The following PLG variants were observed in gnomAD, a reference collection of about 807,000 sequenced individuals.
PLG encodes the protein plasminogen.
PLG carries 41 observed loss-of-function variants against 104.4 expected under a neutral mutation model. The observed-to-expected ratio is 0.39, with a 90% CI of 0.31 to 0.51. The LOEUF (loss-of-function observed/expected upper bound fraction) is 0.51, where lower values mean the gene tolerates loss of function less well. Ranked by LOEUF, PLG falls within the 20% of genes least tolerant of loss-of-function variation. The probability of loss-of-function intolerance (pLI) is 0.76; values close to 1 mark genes in which losing one functional copy is unlikely to be tolerated. For missense variants in PLG, 891 were observed against 1,003.6 expected (o/e 0.89, Z 1.52); for synonymous variants, 337 against 357.1 (o/e 0.94, Z 0.63).
At chr6:160,730,907 T>C in intron 10 of PLG, 144 bp from the exon 11 acceptor site, 1 of 760,574 alleles carries the variant, frequency 1.3e-6, no homozygotes, top group Non-Finnish European at 2.2e-6. Flanking sequence ...GGACCATTTT[T>C]GTTTGTTACA....
Position 160,737,969 on chromosome 6 carries a change from T to A in PLG, c.1803-569T>A, listed in dbSNP as rs114480402. On this transcript the variant is annotated intron_variant, in intron 14 of 18. Transcript: ENST00000308192. The surrounding 1 kb of genome is among the most constrained non-coding windows in gnomAD (Gnocchi z 4.7). Reference sequence around the variant, plus strand: ...ACTTCCTATCTCTATTCCTCTTCTTTAAATTTGGTTCCAAATGGCTCACAC... The same window carrying A: ...ACTTCCTATCTCTATTCCTCTTCTTAAAATTTGGTTCCAAATGGCTCACAC... Among the ~76,000 whole-genome samples the A allele has an allele frequency of 0.24, 35,081 of 144,262 alleles. 4,434 individuals are homozygous for A. The highest frequency in any genetic ancestry group is 0.29 in the Non-Finnish European group (19,682 of 67,826). The allele number at this position is 144,262 out of a possible 152,430, so 94.6% of individuals were successfully genotyped here. A position where few individuals can be genotyped will look rare whatever the true frequency, so the allele number is the denominator to read the frequency against.
chr6:160,709,170 C>CA (rs543535724), intron 3 of PLG, among the ~76,000 whole-genome samples: 29 of 146,242 alleles, frequency 2.0e-4, no homozygotes, highest in South Asian at 6.5e-4. Context: ...TGGGTACATA[C>CA]AAAAAAAAAA....
chr6:160,704,274 A>G (rs1353652324), intron 1 of PLG, among the ~76,000 whole-genome samples: 1 of 152,244 alleles, frequency 6.6e-6, no homozygotes, highest in East Asian at 1.9e-4. Context: ...GAAAAGTTTG[A>G]TTCTGTTTTG....
rs139171771 is a variant in PLG at position 160,742,924 on chromosome 6, T to C, written c.2125+1507T>C. 1.4e-3 allele frequency among the ~76,000 whole-genome samples: 207 copies of C among 152,250 alleles called. 1 individual carries two copies. The East Asian group carries it at 0.02, about 14-fold the overall frequency. On this transcript the variant is annotated intron_variant, in intron 17 of 18. Coordinates refer to ENST00000308192, the MANE Select transcript of PLG (RefSeq NM_000301.5). ...TAGGGAGTTATTTTCCCATTGCTTGTTTTTGTCAGCTTTGTTAAAAATCAG... is the reference window on the plus strand; with the variant it reads ...TAGGGAGTTATTTTCCCATTGCTTGCTTTTGTCAGCTTTGTTAAAAATCAG...
In PLG at chr6:160,753,685, A is replaced by G. The variant is rs866232248; in HGVS notation, c.*624A>G. Among the ~76,000 whole-genome samples the G allele has an allele frequency of 4.6e-5, 7 of 152,196 alleles. No individual in the cohort carries two copies. The highest frequency in any genetic ancestry group is 7.2e-5 in the African/African-American group (3 of 41,446). ...TCCATGGATGTGTAACACAAGACCAACTGAGAGTCTGAATGTTATTCTGGG... is the reference window on the plus strand; with the variant it reads ...TCCATGGATGTGTAACACAAGACCAGCTGAGAGTCTGAATGTTATTCTGGG... On this transcript the variant is annotated 3_prime_UTR_variant, in exon 19 of 19. Coordinates refer to ENST00000308192, the MANE Select transcript of PLG (RefSeq NM_000301.5). The surrounding 1 kb of genome is among the most constrained non-coding windows in gnomAD (Gnocchi z 5.4).
intron 10 of PLG, chr6:160,730,631 T>C: frequency 5.7e-6 from 1 of 174,066 alleles, no homozygotes; most frequent in Middle Eastern, 2.9e-3. Flanking sequence ...CATTTCACAA[T>C]ACAGTCCTAT....
Position 160,753,073 on chromosome 6 carries a change from A to C in PLG, c.*12A>C. 1 of 1,521,978 alleles carries C rather than the reference A, an allele frequency of 6.6e-7. No individual in the cohort carries two copies. The highest frequency in any genetic ancestry group is 9.1e-7 in the Non-Finnish European group (1 of 1,102,860). 94.3% of individuals were successfully genotyped at this position (1,521,978 alleles called of 1,614,324 possible). On this transcript the variant is annotated 3_prime_UTR_variant, in exon 19 of 19. Coordinates refer to ENST00000308192, the MANE Select transcript of PLG (RefSeq NM_000301.5). The surrounding 1 kb of genome is among the most constrained non-coding windows in gnomAD (Gnocchi z 5.4). ...TGAGAAATAATTAATTGGACGGGAG[A>C]CAGAGTGACGCACTGACTCACCTAG...
chr6:160,730,220 C>T (rs962057030), intron 10 of PLG, among the ~76,000 whole-genome samples: 2 of 152,216 alleles, frequency 1.3e-5, no homozygotes, highest in African/African-American at 4.8e-5. Context: ...TCCTCCGTAG[C>T]TGCCCGACCT....
At chr6:160,713,645 T>A (rs1286969459) in intron 5 of PLG, among the ~76,000 whole-genome samples, 1 of 152,196 alleles carries the variant, frequency 6.6e-6, no homozygotes, top group Non-Finnish European at 1.5e-5. Flanking sequence ...AAGTACAAAC[T>A]TCTTATGCTT....
Position 160,738,631 on chromosome 6 carries a change from T to C in PLG, c.1877+19T>C. 1 of 1,474,922 alleles carries C rather than the reference T, an allele frequency of 6.8e-7. No homozygotes were observed. Among genetic ancestry groups the C allele is most frequent in the Non-Finnish European group, 9.5e-7 (1 of 1,052,810 alleles). The allele number at this position is 1,474,922 out of a possible 1,614,324, so 91.4% of individuals were successfully genotyped here. A position where few individuals can be genotyped will look rare whatever the true frequency, so the allele number is the denominator to read the frequency against. ...TGGAGAAGTATGTTTAGGGGACAATTGACATGAAGTCTTGTCTTAAATACT... is the reference window on the plus strand; with the variant it reads ...TGGAGAAGTATGTTTAGGGGACAATCGACATGAAGTCTTGTCTTAAATACT... On this transcript the variant is annotated intron_variant, in intron 15 of 18. Transcript: ENST00000308192. This position sits in a 1 kb window ranked among gnomAD's most constrained non-coding sequence, Gnocchi z 6.8.
In PLG at chr6:160,731,101, G is replaced by C; in HGVS notation, c.1307G>C (p.Trp436Ser). 1 of 1,613,994 alleles carries C rather than the reference G, an allele frequency of 6.2e-7. No individual in the cohort carries two copies. Among genetic ancestry groups the C allele is most frequent in the Non-Finnish European group, 8.5e-7 (1 of 1,179,958 alleles). The change falls in exon 11 of 19, where the codon TGG becomes TCG. Residue 436 changes from tryptophan to serine, a missense_variant. Transcript: ENST00000308192. The surrounding 1 kb of genome is among the most constrained non-coding windows in gnomAD (Gnocchi z 5.1). ...AATCCAGATGCCGATAAAGGCCCCT[G>C]GTGTTTTACCACAGACCCCAGCGTC... Reference protein sequence around the residue: ...CRNPDADKGPWCFTTDPSVRW... With the variant: ...CRNPDADKGPSCFTTDPSVRW...
rs1757065507 is a variant in PLG, at chr6:160,736,398, C to T, written c.1682-489C>T. Among the ~76,000 whole-genome samples, 1 of 152,210 alleles carries T rather than the reference C, an allele frequency of 6.6e-6. No homozygotes were observed. The highest frequency in any genetic ancestry group is 2.4e-5 in the African/African-American group (1 of 41,440). Reference sequence around the variant, plus strand: ...ACATACAATCACATACACACACACACACACGTGCACACACAGAGACTCACA... The same window carrying T: ...ACATACAATCACATACACACACACATACACGTGCACACACAGAGACTCACA... On this transcript the variant is annotated intron_variant, in intron 13 of 18. Coordinates refer to ENST00000308192, the MANE Select transcript of PLG (RefSeq NM_000301.5). This position sits in a 1 kb window ranked among gnomAD's most constrained non-coding sequence, Gnocchi z 5.2.
At position 160,731,137 on chromosome 6, in the gene PLG, A is replaced by G; in HGVS notation, c.1343A>G (p.Tyr448Cys). The change falls in exon 11 of 19, where the codon TAC (tyrosine) becomes TGC (cysteine). Residue 448 changes from tyrosine (Y) to cysteine (C), a missense_variant. Physicochemically the swap from Tyr to Cys is radical, Grantham distance 194 (BLOSUM62 -2). Coordinates refer to ENST00000308192, the MANE Select transcript of PLG (RefSeq NM_000301.5). This position sits in a 1 kb window ranked among gnomAD's most constrained non-coding sequence, Gnocchi z 5.1. Reference protein sequence around the residue: ...FTTDPSVRWEYCNLKKCSGTE... With the variant: ...FTTDPSVRWECCNLKKCSGTE... ...ACAGACCCCAGCGTCAGGTGGGAGT[A>G]CTGCAACCTGAAAAAATGCTCAGGA... 6.2e-7 allele frequency: 1 copy of G among 1,614,052 alleles called. No homozygotes were observed. Among genetic ancestry groups the G allele is most frequent in the Non-Finnish European group, 8.5e-7 (1 of 1,179,926 alleles).
chr6:160,741,851 T>A lies in PLG; in HGVS notation c.2125+434T>A, dbSNP rs118129054. Among the ~76,000 whole-genome samples the A allele has an allele frequency of 8.1e-3, 1,232 of 152,236 alleles. 17 individuals are homozygous for A. The highest frequency in any genetic ancestry group is 0.039 in the Admixed American group (594 of 15,292). On this transcript the variant is annotated intron_variant, in intron 17 of 18. Transcript: ENST00000308192. This position sits in a 1 kb window ranked among gnomAD's most constrained non-coding sequence, Gnocchi z 4.7. ...AAGTAGGCCCCAGTGTCTGTTGCTCTCTTCTTTGTGTCCATGAGTTCTCAT... is the reference window on the plus strand; with the variant it reads ...AAGTAGGCCCCAGTGTCTGTTGCTCACTTCTTTGTGTCCATGAGTTCTCAT...
intron 3 of PLG, among the ~76,000 whole-genome samples, chr6:160,709,369 C>A (rs1777593390): frequency 6.6e-6 from 1 of 152,194 alleles, no homozygotes. Context: ...CTGGTTGGGG[C>A]TACTTGTAGC....
In PLG at chr6:160,741,282, AAACAT is replaced by A; in HGVS notation, c.2019-25_2019-21del. ...TACTGCAGCTGCGAGCAGAGCAGTC[AAACAT>A]AACTGCTGATGCTTTTCTTTCAGTC... On this transcript the variant is annotated intron_variant, in intron 16 of 18. Coordinates refer to ENST00000308192, the MANE Select transcript of PLG (RefSeq NM_000301.5). The surrounding 1 kb of genome is among the most constrained non-coding windows in gnomAD (Gnocchi z 4.7). 6.9e-7 allele frequency: 1 copy of A among 1,446,614 alleles called. No homozygotes were observed. Among genetic ancestry groups the A allele is most frequent in the Non-Finnish European group, 9.7e-7 (1 of 1,027,248 alleles). The allele number at this position is 1,446,614 out of a possible 1,614,324, so 89.6% of individuals were successfully genotyped here.
At position 160,735,937 on chromosome 6, in the gene PLG, T is replaced by C. The variant is rs1279662358; in HGVS notation, c.1682-950T>C. ...ATAGATAGATTCTCAGAACAGCCCATGGCAAATGTAAAGTTATTTGGAAAA... is the reference window on the plus strand; with the variant it reads ...ATAGATAGATTCTCAGAACAGCCCACGGCAAATGTAAAGTTATTTGGAAAA... On this transcript the variant is annotated intron_variant, in intron 13 of 18. Transcript: ENST00000308192. This position sits in a 1 kb window ranked among gnomAD's most constrained non-coding sequence, Gnocchi z 5.4. Among the ~76,000 whole-genome samples, 2 of 152,232 alleles carry C rather than the reference T, an allele frequency of 1.3e-5. No individual in the cohort carries two copies. Among genetic ancestry groups the C allele is most frequent in the Non-Finnish European group, 2.9e-5 (2 of 68,050 alleles).
In PLG at chr6:160,706,682, G is replaced by T. The variant is rs1357989554; in HGVS notation, c.185+140G>T. The T allele has an allele frequency of 1.5e-5, 12 of 815,314 alleles. No homozygotes were observed. The Admixed American group carries it at 1.6e-4, about 11-fold the overall frequency. 50.5% of individuals were successfully genotyped at this position (815,314 alleles called of 1,614,324 possible). A position where few individuals can be genotyped will look rare whatever the true frequency, so the allele number is the denominator to read the frequency against. ...GGAACTATATTTGCTCACAGTATGT[G>T]AAGCCATACTAACAGCTTCTTGTTA... On this transcript the variant is annotated intron_variant, in intron 2 of 18. Transcript: ENST00000308192.
At chr6:160,716,436 TA>T (rs1375715739) in intron 6 of PLG, among the ~76,000 whole-genome samples, 1 of 152,084 alleles carries the variant, frequency 6.6e-6, no homozygotes, top group African/African-American at 2.4e-5. Context: ...ACCCTGTCTC[TA>T]AAAACAAACA....
Sources: gnomAD v4.1 joint callset for allele counts (sites outside exome capture counted in the v4.1 genomes callset) on GRCh38, gnomAD v4.1.1 for gene constraint, Gnocchi (gnomAD v3.1) non-coding constraint, MANE v1.5 for transcripts, NCBI Gene and HGNC (gene_info 2026-07-23, HGNC 2026-07-21) for gene names.